Variants in PAMR1 observed in about 807,000 individuals in gnomAD.
PAMR1 encodes the protein peptidase domain containing associated with muscle regeneration 1, also known as inactive serine protease PAMR1.
In PAMR1, 88 loss-of-function variants were observed where a neutral mutation model predicts 81.8. The ratio of observed to expected loss-of-function variants is 1.08; its 90% CI spans 0.91 to 1.28. PAMR1 has a LOEUF of 1.28. Ranked by LOEUF, PAMR1 falls within the 50% of genes most tolerant of loss-of-function variation. The pLI is 0.00. For missense variants in PAMR1, 935 were observed against 919.7 expected (o/e 1.02, Z -0.21); for synonymous variants, 336 against 345.3 (o/e 0.97, Z 0.30).
At chr11:35,474,861 G>T in intron 3 of PAMR1, 117 bp from the exon 4 acceptor site, 1 of 643,596 alleles carries the variant, frequency 1.6e-6, no homozygotes, top group South Asian at 1.9e-5. Flanking sequence ...GATGAATAGG[G>T]AAAAGGAAGA....
At chr11:35,436,994 G>A (rs1024274972) in intron 8 of PAMR1, among the ~76,000 whole-genome samples, 1 of 152,202 alleles carries the variant, frequency 6.6e-6, no homozygotes. Context: ...ACAGTAGCTT[G>A]ATTTAGCAAT....
intron 9 of PAMR1, 116 bp downstream of exon 9, chr11:35,435,787 T>C (rs1856027101): frequency 1.4e-6 from 1 of 721,962 alleles, no homozygotes; most frequent in East Asian, 2.6e-5. Flanking sequence ...ATTTCAGATA[T>C]CACCAAACTA....
intron 1 of PAMR1, among the ~76,000 whole-genome samples, chr11:35,496,385 G>T (rs1850726943): frequency 6.6e-6 from 1 of 152,144 alleles, no homozygotes; most frequent in Non-Finnish European, 1.5e-5. Flanking sequence ...TTGATATCCA[G>T]GACATATTTC....
chr11:35,502,625 G>A (rs1364668479), intron 1 of PAMR1, among the ~76,000 whole-genome samples: 1 of 152,150 alleles, frequency 6.6e-6, no homozygotes, highest in Non-Finnish European at 1.5e-5. Flanking sequence ...ATTCCATGGT[G>A]TATATGTACC....
chr11:35,496,491 G>A (rs1373907414), intron 1 of PAMR1, among the ~76,000 whole-genome samples: 3 of 151,938 alleles, frequency 2.0e-5, no homozygotes, highest in East Asian at 1.9e-4. Flanking sequence ...CTATATAAAC[G>A]GCCAACAAGC....
chr11:35,506,414 T>A (rs1013312286), intron 1 of PAMR1, among the ~76,000 whole-genome samples: 2 of 55,660 alleles, frequency 3.6e-5, no homozygotes, highest in Non-Finnish European at 3.5e-5. Context: ...CATGTTAGTG[T>A]TTTTTTTTTG....
intron 3 of PAMR1, among the ~76,000 whole-genome samples, chr11:35,488,669 C>CTTTTTTTT (rs34053329): frequency 7.0e-5 from 3 of 42,936 alleles, no homozygotes; most frequent in African/African-American, 8.7e-5. Context: ...CAAATCTTGC[C>CTTTTTTTT]TTTTTTTTTT....
intron 4 of PAMR1, among the ~76,000 whole-genome samples, chr11:35,472,023 TA>T (rs1355641688): frequency 7.2e-5 from 11 of 152,222 alleles, no homozygotes; most frequent in African/African-American, 2.4e-4. Context: ...GTAAGTGTTC[TA>T]AAAGGTACTA....
upstream of PAMR1, among the ~76,000 whole-genome samples, chr11:35,528,662 TG>T (rs1314103645): frequency 1.3e-5 from 2 of 152,180 alleles, no homozygotes; most frequent in Admixed American, 1.3e-4. Context: ...GAATCTAAGA[TG>T]GGTAGGGAAG....
chr11:35,490,920 G>A (rs373260310), intron 3 of PAMR1, among the ~76,000 whole-genome samples: 1 of 152,234 alleles, frequency 6.6e-6, no homozygotes, highest in African/African-American at 2.4e-5. Context: ...TTAAACCTAG[G>A]TCTGTTTCAT....
Position 35,461,326 on chromosome 11 carries a change from G to A in PAMR1, c.820+6675C>T, listed in dbSNP as rs1856649905. ...GATGGGTGCTCTGTTCCCAGCTCTT[G>A]GAGGTAGTCTTGCTGCATTGTTTAC... On this transcript the variant is annotated intron_variant, in intron 6 of 10. Transcript: ENST00000619888. Among the ~76,000 whole-genome samples the A allele has an allele frequency of 2.6e-5, 4 of 152,360 alleles. No homozygotes were observed. The South Asian group carries it at 8.3e-4, about 32-fold the overall frequency.
chr11:35,475,169 C>A (rs1278286142), intron 3 of PAMR1, among the ~76,000 whole-genome samples: 1 of 152,156 alleles, frequency 6.6e-6, no homozygotes. Context: ...AGAAAGTAGA[C>A]CCTCCCCACA....
intron 3 of PAMR1, among the ~76,000 whole-genome samples, chr11:35,481,525 T>C (rs1056835404): frequency 6.6e-6 from 1 of 152,064 alleles, no homozygotes; most frequent in African/African-American, 2.4e-5. Flanking sequence ...TGTTTGTTTG[T>C]TTGTTTGTTT....
At chr11:35,520,381 A>T (rs1851249114) in intron 1 of PAMR1, among the ~76,000 whole-genome samples, 1 of 152,216 alleles carries the variant, frequency 6.6e-6, no homozygotes, top group Admixed American at 6.5e-5. Flanking sequence ...TTCTGTTTAC[A>T]GGTATGAGAT....
chr11:35,509,169 C>T (rs1053123841), intron 1 of PAMR1, among the ~76,000 whole-genome samples: 1 of 152,168 alleles, frequency 6.6e-6, no homozygotes, highest in African/African-American at 2.4e-5. Flanking sequence ...TTTGATAAAT[C>T]CACTATCCCT....
Position 35,434,727 on chromosome 11 carries a change from TCCTGTAGATGGCTG to T in PAMR1, c.1397_1410del (p.Ala466GlufsTer7), listed in dbSNP as rs762695518. ...CTGCCGTCATGCACCCCGCTGGTCC[TCCTGTAGATGGCTG>T]CCTGCCACGGCCAGCGCAACCCTTG... On this transcript the variant is annotated frameshift_variant, in exon 10 of 11. Transcript: ENST00000619888. LOFTEE classifies it high-confidence loss of function. 9.9e-6 allele frequency: 16 copies of T among 1,614,010 alleles called. No individual in the cohort carries two copies. The African/African-American group carries it at 2.1e-4, about 22-fold the overall frequency.
At chr11:35,528,186 G>A (rs927427936), upstream of PAMR1, among the ~76,000 whole-genome samples, 5 of 152,144 alleles carry the variant, frequency 3.3e-5, no homozygotes, top group Admixed American at 2.6e-4. Flanking sequence ...CAGTTAAGAA[G>A]AAGTAGATAC....
chr11:35,432,346 T>C lies in PAMR1; in HGVS notation c.*10A>G, dbSNP rs371493913. On this transcript the variant is annotated 3_prime_UTR_variant, in exon 11 of 11. Transcript: ENST00000619888. ...ACAGAAACACTTCTCAAGGAGTGCA[T>C]GAGCATGGTTCATTTCATATTTCTT... 1.0e-5 allele frequency: 16 copies of C among 1,604,798 alleles called. No individual in the cohort carries two copies. In the African/African-American group the frequency reaches 1.2e-4, roughly 12 times the overall value.
intron 1 of PAMR1, among the ~76,000 whole-genome samples, chr11:35,504,391 C>T (rs1850911007): frequency 6.6e-6 from 1 of 152,058 alleles, no homozygotes; most frequent in Non-Finnish European, 1.5e-5. Context: ...ATGCTAGCCT[C>T]ATAGAATGAG....
Sources: gnomAD v4.1 joint callset for allele counts (sites outside exome capture counted in the v4.1 genomes callset) on GRCh38, gnomAD v4.1.1 for gene constraint, MANE v1.5 for transcripts, NCBI Gene and HGNC (gene_info 2026-07-23, HGNC 2026-07-21) for gene names.